Variants in PLAG1 observed in about 807,000 individuals in gnomAD.
PLAG1 encodes zinc finger protein PLAG1.
A neutral mutation model predicts 35.5 loss-of-function variants in PLAG1; 7 were observed. The ratio of observed to expected loss-of-function variants is 0.20; its 90% CI spans 0.11 to 0.37. The LOEUF is 0.37. PLAG1 is among the 10% of genes least tolerant of loss of function. The pLI, the probability that PLAG1 is intolerant of heterozygous loss-of-function variation, is 1.00. For synonymous variants in PLAG1, 229 were observed against 225.4 expected (o/e 1.02, Z -0.14); for missense variants, 454 against 602.8 (o/e 0.75, Z 2.58).
At chr8:56,177,452 A>G (rs1304003945) in intron 2 of PLAG1, among the ~76,000 whole-genome samples, 1 of 152,124 alleles carries the variant, frequency 6.6e-6, no homozygotes. Flanking sequence ...GAACAATTAG[A>G]AGAGGTTTGT....
intron 1 of PLAG1, among the ~76,000 whole-genome samples, chr8:56,206,071 A>AT (rs577320502): frequency 9.9e-5 from 15 of 151,160 alleles, no homozygotes; most frequent in East Asian, 5.8e-4. Context: ...TCTGATAAGC[A>AT]TTTTTTTTTA....
At chr8:56,179,638 T>C (rs1811807451) in intron 1 of PLAG1, 125 bp from the exon 2 acceptor site, 1 of 153,260 alleles carries the variant, frequency 6.5e-6, no homozygotes, top group Admixed American at 6.5e-5. Flanking sequence ...TATTGAAAAA[T>C]GTATCTTAAA....
In PLAG1 at chr8:56,168,170, A is replaced by G. The variant is rs1197998424; in HGVS notation, c.100T>C (p.Phe34Leu). Residue 34 changes from phenylalanine (F) to leucine (L), a missense_variant, in exon 4 of 5, where the codon TTT becomes CTT. This residue lies in a region of PLAG1 where 170 missense variants were observed against 226.3 expected (regional missense o/e 0.75). Transcript: ENST00000316981. The part of the protein sequence containing the change: ...KRGETKPRKN[F>L]PCQLCDKAFN... The stretch of plus-strand genomic sequence containing the variant: ...GCCTTGTCACACAGTTGGCAAGGAA[A>G]GTTTTTTCTTGGTTTGGTTTCACCA... 1 of 1,613,824 alleles carries G rather than the reference A, an allele frequency of 6.2e-7. No individual in the cohort carries two copies. Among genetic ancestry groups the G allele is most frequent in the East Asian group, 2.2e-5 (1 of 44,880 alleles).
At chr8:56,172,271 C>T (rs1397239533) in intron 2 of PLAG1, among the ~76,000 whole-genome samples, 1 of 151,914 alleles carries the variant, frequency 6.6e-6, no homozygotes, top group Non-Finnish European at 1.5e-5. Context: ...TATAAAAATG[C>T]CAAGGGTATA....
rs1811200735 is a variant in PLAG1, at chr8:56,161,549, TAC to T, written c.*4692_*4693del. ...ATAAAGCCCACTTTCCATTCTGAGT[TAC>T]AGTCACCTTGTGGACAAAAGCTGGG... On this transcript the variant is annotated 3_prime_UTR_variant, in exon 5 of 5. Coordinates refer to ENST00000316981, the MANE Select transcript of PLAG1 (RefSeq NM_002655.3). 4.4e-6 allele frequency: 1 copy of T among 228,582 alleles called. No individual in the cohort carries two copies. The highest frequency in any genetic ancestry group is 6.3e-5 in the East Asian group (1 of 15,988). 14.2% of individuals were successfully genotyped at this position (228,582 alleles called of 1,614,324 possible).
chr8:56,203,805 T>A (rs73596225), intron 1 of PLAG1, among the ~76,000 whole-genome samples: 9,285 of 152,042 alleles, frequency 0.061, 943 homozygotes, highest in African/African-American at 0.21. Context: ...TCAAGTAAAA[T>A]GCTACCAACA....
At chr8:56,185,796 G>A (rs1407536914) in intron 1 of PLAG1, among the ~76,000 whole-genome samples, 1 of 152,176 alleles carries the variant, frequency 6.6e-6, no homozygotes, top group East Asian at 1.9e-4. Context: ...ATAGTTCTGG[G>A]ATACGTTCCA....
In PLAG1 at chr8:56,167,797, T is replaced by A. The variant is rs1811405085; in HGVS notation, c.242+231A>T. ...CCCTTTTCTTGTTGTAATTTCTTTC[T>A]ACAAATGGAAATTCTACTCATTAAG... On this transcript the variant is annotated intron_variant, in intron 4 of 4. Coordinates refer to ENST00000316981, the MANE Select transcript of PLAG1 (RefSeq NM_002655.3). This position sits in a 1 kb window ranked among gnomAD's most constrained non-coding sequence, Gnocchi z 5.9. Among the ~76,000 whole-genome samples the A allele has an allele frequency of 6.6e-6, 1 of 152,254 alleles. No homozygotes were observed. Among genetic ancestry groups the A allele is most frequent in the African/African-American group, 2.4e-5 (1 of 41,474 alleles).
chr8:56,176,046 C>CA (rs1375039992), intron 2 of PLAG1, among the ~76,000 whole-genome samples: 2 of 130,104 alleles, frequency 1.5e-5, no homozygotes, highest in Admixed American at 1.6e-4. Flanking sequence ...TTTTCCTTTT[C>CA]TTTTTTTTTT....
intron 1 of PLAG1, among the ~76,000 whole-genome samples, chr8:56,196,035 G>A (rs2129232548): frequency 6.6e-6 from 1 of 152,302 alleles, no homozygotes; most frequent in East Asian, 1.9e-4. Context: ...GCACCACAGG[G>A]GAATTTGGGG....
intron 1 of PLAG1, among the ~76,000 whole-genome samples, chr8:56,182,771 C>T (rs1382477140): frequency 6.6e-6 from 1 of 152,086 alleles, no homozygotes; most frequent in Non-Finnish European, 1.5e-5. Context: ...GGGGGAGAGA[C>T]TAGAGAATGC....
At chr8:56,172,939 G>A (rs1811573509) in intron 2 of PLAG1, among the ~76,000 whole-genome samples, 1 of 152,170 alleles carries the variant, frequency 6.6e-6, no homozygotes, top group Non-Finnish European at 1.5e-5. Context: ...TTAAACAACT[G>A]TTAATGTAAA....
At chr8:56,178,182 T>C (rs1210297652) in intron 2 of PLAG1, 1 of 161,954 alleles carries the variant, frequency 6.2e-6, no homozygotes, top group Non-Finnish European at 1.3e-5. Context: ...GTATCCTTCA[T>C]GTGAAAATAA....
At chr8:56,190,075 A>G (rs1401342062) in intron 1 of PLAG1, among the ~76,000 whole-genome samples, 2 of 152,182 alleles carry the variant, frequency 1.3e-5, no homozygotes, top group Admixed American at 1.3e-4. Context: ...GCCTTGGGTA[A>G]ATGACTTATC....
At chr8:56,178,630 T>TCCC (rs1811776920) in intron 2 of PLAG1, among the ~76,000 whole-genome samples, 1 of 152,036 alleles carries the variant, frequency 6.6e-6, no homozygotes, top group Non-Finnish European at 1.5e-5. Context: ...AGGCCTCCTT[T>TCCC]CCCCCATCTG....
chr8:56,192,322 C>A (rs866103343), intron 1 of PLAG1, among the ~76,000 whole-genome samples: 3 of 152,178 alleles, frequency 2.0e-5, no homozygotes, highest in Admixed American at 6.5e-5. Context: ...CATAAAGATT[C>A]ATGCATGAGG....
chr8:56,166,146 A>G lies in PLAG1; in HGVS notation c.*97T>C. ...AAAATTTGTATTATACAAAAGCAGA[A>G]ATTTTTATACTGTTTTAAAGTAGGC... is the stretch of plus-strand genomic sequence containing the variant. On this transcript the variant is annotated 3_prime_UTR_variant, in exon 5 of 5. Coordinates refer to ENST00000316981, the MANE Select transcript of PLAG1 (RefSeq NM_002655.3). 1 of 846,062 alleles carries G rather than the reference A, an allele frequency of 1.2e-6. No individual in the cohort carries two copies. The highest frequency in any genetic ancestry group is 1.8e-6 in the Non-Finnish European group (1 of 560,708). 52.4% of individuals were successfully genotyped at this position (846,062 alleles called of 1,614,324 possible).
At chr8:56,194,746 G>A (rs189158239) in intron 1 of PLAG1, among the ~76,000 whole-genome samples, 14 of 152,214 alleles carry the variant, frequency 9.2e-5, no homozygotes, top group African/African-American at 1.9e-4. Context: ...GGAGTCTGCC[G>A]GGTGTGGTTT....
At chr8:56,191,537 T>C (rs1266808582) in intron 1 of PLAG1, among the ~76,000 whole-genome samples, 1 of 152,328 alleles carries the variant, frequency 6.6e-6, no homozygotes, top group East Asian at 1.9e-4. Flanking sequence ...ATGATGACTT[T>C]TGGAGTTCTA....
Sources: allele counts gnomAD v4.1 joint callset (sites outside exome capture counted in the v4.1 genomes callset), GRCh38; gene constraint gnomAD v4.1.1; regional missense constraint gnomAD v4.1.1; non-coding constraint Gnocchi (gnomAD v3.1); transcripts MANE v1.5; gene names NCBI Gene and HGNC (gene_info 2026-07-23, HGNC 2026-07-21).